REDIC1: variants seen among roughly 807,000 people sequenced by gnomAD.
REDIC1 encodes the protein HEI10 Interacting Protein 1.
chr12:39,896,435 T>C, the REDIC1 span, among the ~76,000 whole-genome samples: 35 of 143,686 alleles, frequency 2.4e-4, 1 homozygote, highest in African/African-American at 8.8e-4. Flanking sequence ...TATATATGTA[T>C]ACATATATGT....
chr12:39,738,510 G>T, the REDIC1 span, among the ~76,000 whole-genome samples: 2 of 152,264 alleles, frequency 1.3e-5, no homozygotes, highest in South Asian at 2.1e-4. Context: ...TGTATGAAAG[G>T]AATATAAAAA....
the REDIC1 span, chr12:39,683,210 A>C: frequency 7.1e-7 from 1 of 1,405,678 alleles, no homozygotes; most frequent in Non-Finnish European, 9.6e-7. Context: ...ATATATTTGT[A>C]TATTCATACA....
At chr12:39,789,243 C>T in the REDIC1 span, among the ~76,000 whole-genome samples, 352 of 151,940 alleles carry the variant, frequency 2.3e-3, 1 homozygote, top group Admixed American at 0.019. Context: ...ATATTTTCTA[C>T]GCATGTACTC....
At chr12:39,817,921 A>T in the REDIC1 span, among the ~76,000 whole-genome samples, 3 of 152,202 alleles carry the variant, frequency 2.0e-5, no homozygotes, top group Admixed American at 2.0e-4. Flanking sequence ...AGCTTCCAGG[A>T]TACACATTCC....
chr12:39,673,130 T>G, the REDIC1 span, among the ~76,000 whole-genome samples: 3 of 152,090 alleles, frequency 2.0e-5, no homozygotes, highest in Non-Finnish European at 2.9e-5. Context: ...CTAGGCCATC[T>G]GCCTAGCCTC....
At chr12:39,722,616 C>A in the REDIC1 span, among the ~76,000 whole-genome samples, 1 of 152,038 alleles carries the variant, frequency 6.6e-6, no homozygotes, top group Non-Finnish European at 1.5e-5. Flanking sequence ...TCCAAATATG[C>A]ATCAAAGTCT....
the REDIC1 span, among the ~76,000 whole-genome samples, chr12:39,900,344 G>A: frequency 8.6e-5 from 13 of 151,854 alleles, no homozygotes; most frequent in African/African-American, 2.4e-4. Context: ...TGGCCAGGGC[G>A]ATTAGGCAGA....
At chr12:39,868,138 G>T in the REDIC1 span, among the ~76,000 whole-genome samples, 3 of 152,176 alleles carry the variant, frequency 2.0e-5, no homozygotes, top group African/African-American at 4.8e-5. Flanking sequence ...TTACAACCTG[G>T]ATTTGAGTCT....
the REDIC1 span, among the ~76,000 whole-genome samples, chr12:39,717,705 T>G: frequency 6.6e-6 from 1 of 152,118 alleles, no homozygotes; most frequent in Admixed American, 6.6e-5. Context: ...TCTTCTACTG[T>G]TTACTTTAGC....
chr12:39,671,481 G>C, the REDIC1 span, among the ~76,000 whole-genome samples: 1 of 152,140 alleles, frequency 6.6e-6, no homozygotes, highest in African/African-American at 2.4e-5. Flanking sequence ...GGCATTGACA[G>C]ATCCAGGTGG....
At chr12:39,721,129 C>T in the REDIC1 span, 1 of 1,613,614 alleles carries the variant, frequency 6.2e-7, no homozygotes, top group Non-Finnish European at 8.5e-7. Flanking sequence ...TGTTGCCATA[C>T]AGTGTGATCT....
chr12:39,758,893 T>G, the REDIC1 span: 1 of 152,084 alleles, frequency 6.6e-6, no homozygotes, highest in East Asian at 1.9e-4. Flanking sequence ...AATTAAATAA[T>G]AATATGTGAC....
At chr12:39,658,612 T>C in the REDIC1 span, among the ~76,000 whole-genome samples, 1 of 152,252 alleles carries the variant, frequency 6.6e-6, no homozygotes, top group Non-Finnish European at 1.5e-5. Context: ...TGTATAGGTT[T>C]GGATTTAAGT....
the REDIC1 span, among the ~76,000 whole-genome samples, chr12:39,854,578 A>G: frequency 6.6e-5 from 10 of 151,892 alleles, no homozygotes; most frequent in African/African-American, 2.2e-4. Context: ...GACTCTCACA[A>G]TCTCTCTCTG....
At chr12:39,838,287 A>G in the REDIC1 span, among the ~76,000 whole-genome samples, 2 of 146,938 alleles carry the variant, frequency 1.4e-5, no homozygotes, top group South Asian at 4.4e-4. Context: ...TGGGAACTGA[A>G]CAATGAGATC....
the REDIC1 span, among the ~76,000 whole-genome samples, chr12:39,779,488 T>A: frequency 6.6e-6 from 1 of 152,112 alleles, no homozygotes. Flanking sequence ...CCCTTTTCCT[T>A]CCCCAGGCGT....
chr12:39,746,522 G>T, the REDIC1 span, among the ~76,000 whole-genome samples: 1 of 152,336 alleles, frequency 6.6e-6, no homozygotes, highest in East Asian at 1.9e-4. Context: ...CGAACAGAAG[G>T]CAGCAGAAAC....
At chr12:39,718,311 AT>A in the REDIC1 span, among the ~76,000 whole-genome samples, 6 of 152,060 alleles carry the variant, frequency 3.9e-5, no homozygotes, top group Admixed American at 3.3e-4. Flanking sequence ...AACTATTTTG[AT>A]GCCTTCGGTG....
At chr12:39,644,573 A>G in the REDIC1 span, among the ~76,000 whole-genome samples, 8 of 151,906 alleles carry the variant, frequency 5.3e-5, no homozygotes, top group African/African-American at 1.9e-4. Context: ...AATTGATCAG[A>G]GTATTGTTAA....
Sources: gnomAD v4.1 joint callset for allele counts (sites outside exome capture counted in the v4.1 genomes callset) on GRCh38, gnomAD v4.1.1 for gene constraint, MANE v1.5 for transcripts, NCBI Gene and HGNC (gene_info 2026-07-23, HGNC 2026-07-21) for gene names.